The following TNRC6C variants were observed in gnomAD, a reference collection of about 807,000 sequenced individuals.
TNRC6C encodes the protein trinucleotide repeat-containing gene 6C protein.
Under a neutral mutation model 153.7 loss-of-function variants are expected in TNRC6C, and 20 were observed. The observed-to-expected ratio is 0.13, with a 90% CI of 0.09 to 0.19. The LOEUF is 0.19. Ranked by LOEUF, TNRC6C falls within the 10% of genes least tolerant of loss-of-function variation. TNRC6C has a pLI of 1.00. For missense variants in TNRC6C, 1,987 were observed against 2,172.0 expected (o/e 0.91, Z 1.69); for synonymous variants, 811 against 841.4 (o/e 0.96, Z 0.63).
At chr17:78,005,109 T>A (rs1351859136) in intron 1 of TNRC6C, 30 bp downstream of exon 3, 1 of 1,227,742 alleles carries the variant, frequency 8.1e-7, no homozygotes, top group African/African-American at 1.6e-5. Context: ...GGGGGGTACA[T>A]TTATGGCGGT....
upstream of TNRC6C, chr17:78,004,027 G>C: frequency 9.2e-7 from 1 of 1,089,488 alleles, no homozygotes; most frequent in Non-Finnish European, 1.2e-6. Flanking sequence ...TTAGGGAAGT[G>C]TCCCTTTCTA....
chr17:78,011,837 T>G (rs1209067585), intron 1 of TNRC6C, among the ~76,000 whole-genome samples: 1 of 152,250 alleles, frequency 6.6e-6, no homozygotes, highest in Non-Finnish European at 1.5e-5. Context: ...CTTCATAATT[T>G]TAGCCATTCT....
chr17:78,004,141 C>A, upstream of TNRC6C: 1 of 1,231,452 alleles, frequency 8.1e-7, no homozygotes, highest in Non-Finnish European at 1.0e-6. Flanking sequence ...GATCATCAAA[C>A]TTATACTAGT....
rs1271523311 is a variant in TNRC6C at position 78,104,147 on chromosome 17, G to A, written c.4713-338G>A. The stretch of plus-strand genomic sequence containing the variant: ...AAGGTTGCTTTTGATAGAAGTACGA[G>A]TAGACCTGATCAGTAACATCACTTG... On this transcript the variant is annotated intron_variant, in intron 19 of 19. Transcript: ENST00000301624. This position sits in a 1 kb window ranked among gnomAD's most constrained non-coding sequence, Gnocchi z 6.2. Among the ~76,000 whole-genome samples the A allele has an allele frequency of 6.6e-6, 1 of 152,196 alleles. No homozygotes were observed. The highest frequency in any genetic ancestry group is 2.4e-5 in the African/African-American group (1 of 41,434).
intron 15 of TNRC6C, chr17:78,093,393 T>A: frequency 1.5e-6 from 1 of 676,812 alleles, no homozygotes; most frequent in Non-Finnish European, 2.5e-6. Flanking sequence ...CCGGTAAAAC[T>A]ATTCCAACCC....
At chr17:77,975,888 G>A (rs892706175) in intron 1 of TNRC6C, among the ~76,000 whole-genome samples, 1 of 152,104 alleles carries the variant, frequency 6.6e-6, no homozygotes, top group Non-Finnish European at 1.5e-5. Flanking sequence ...AAAAATGTAG[G>A]TCGTCTTTAT....
At chr17:78,093,368 C>T in intron 15 of TNRC6C, 1 of 658,296 alleles carries the variant, frequency 1.5e-6, no homozygotes, top group South Asian at 2.0e-5. Flanking sequence ...AGGGAGGAAG[C>T]ACACTGCACA....
chr17:77,975,719 G>A (rs902309487), intron 1 of TNRC6C, among the ~76,000 whole-genome samples: 3 of 152,108 alleles, frequency 2.0e-5, no homozygotes, highest in African/African-American at 7.2e-5. Context: ...CTAATTTACA[G>A]TTGCCATCTT....
intron 1 of TNRC6C, among the ~76,000 whole-genome samples, chr17:77,973,803 A>G (rs2070961485): frequency 6.6e-6 from 1 of 152,240 alleles, no homozygotes; most frequent in Non-Finnish European, 1.5e-5. Context: ...TTTACACCGA[A>G]ACTGCAAAAA....
intron 1 of TNRC6C, among the ~76,000 whole-genome samples, chr17:77,989,081 T>C (rs908051166): frequency 1.7e-4 from 26 of 152,220 alleles, no homozygotes; most frequent in African/African-American, 5.8e-4. Context: ...GGAATTTGTG[T>C]CACTTAACAC....
At chr17:78,107,707 C>T (rs941066784) in exon 20 of TNRC6C, 1 of 152,228 alleles carries the variant, frequency 6.6e-6, no homozygotes, top group African/African-American at 2.4e-5. Flanking sequence ...TTCCAGCTCT[C>T]CACCCCCGTG....
intron 2 of TNRC6C, chr17:78,041,103 C>A (rs1056165667): frequency 6.6e-6 from 1 of 152,266 alleles, no homozygotes. Context: ...GAGGGTTGGG[C>A]GGCACCGTCT....
chr17:78,027,509 G>A (rs1050137236), intron 1 of TNRC6C, among the ~76,000 whole-genome samples: 1 of 152,092 alleles, frequency 6.6e-6, no homozygotes, highest in African/African-American at 2.4e-5. Flanking sequence ...AAAAAACAGA[G>A]AAATACTTGT....
chr17:78,079,587 C>T lies in TNRC6C; in HGVS notation c.3357+46C>T, dbSNP rs981988903. 1 of 1,598,802 alleles carries T rather than the reference C, an allele frequency of 6.3e-7. No homozygotes were observed. Among genetic ancestry groups the T allele is most frequent in the African/African-American group, 1.3e-5 (1 of 74,634 alleles). ...GGACTGAGCAACAGGATATAGATGC[C>T]AGTGTTTCGTGGGGTCCTGTGTTAT... On this transcript the variant is annotated intron_variant, in intron 10 of 19. Coordinates refer to ENST00000301624, the Ensembl canonical transcript of TNRC6C. This position sits in a 1 kb window ranked among gnomAD's most constrained non-coding sequence, Gnocchi z 4.3.
chr17:78,050,338 A>G, exon 3 of TNRC6C: 4 of 1,607,170 alleles, frequency 2.5e-6, no homozygotes, highest in Non-Finnish European at 3.4e-6. Context: ...AGATAAAGGG[A>G]TTATAGACCA....
At position 78,050,773 on chromosome 17, in the gene TNRC6C, T is replaced by C. The variant is rs770848567; in HGVS notation, c.1711T>C (p.Trp571Arg). Residue 571 changes from tryptophan to arginine, a missense_variant, in exon 3 of 20, where the codon TGG (tryptophan) becomes CGG (arginine). Coordinates refer to ENST00000301624, the Ensembl canonical transcript of TNRC6C. Reference sequence around the variant, plus strand: ...AAATCAGGAGGACAAGTCACCCACCTGGGGTGAGCCTCCAAAGCCCAAATC... The same window carrying C: ...AAATCAGGAGGACAAGTCACCCACCCGGGGTGAGCCTCCAAAGCCCAAATC... The C allele has an allele frequency of 3.1e-6, 5 of 1,604,544 alleles. No homozygotes were observed. The African/African-American group carries it at 5.3e-5, about 17-fold the overall frequency.
intron 14 of TNRC6C, 68 bp from the exon 17 acceptor site, chr17:78,092,865 G>A (rs2073417668): frequency 1.4e-6 from 2 of 1,437,846 alleles, no homozygotes; most frequent in East Asian, 2.3e-5. Context: ...GGGAGGCTTA[G>A]GGTATCTTCT....
chr17:78,065,628 A>C (rs558733426), intron 4 of TNRC6C, among the ~76,000 whole-genome samples: 1 of 152,254 alleles, frequency 6.6e-6, no homozygotes, highest in African/African-American at 2.4e-5. Flanking sequence ...GTTTTTGAAA[A>C]TATGTATTAC....
chr17:78,042,995 C>T (rs143880127), intron 2 of TNRC6C, among the ~76,000 whole-genome samples: 2 of 152,204 alleles, frequency 1.3e-5, no homozygotes, highest in African/African-American at 4.8e-5. Flanking sequence ...CAAAAAAGAG[C>T]TTATAAGTAG....
Sources: gnomAD v4.1 joint callset for allele counts (sites outside exome capture counted in the v4.1 genomes callset) on GRCh38, gnomAD v4.1.1 for gene constraint, Gnocchi (gnomAD v3.1) non-coding constraint, MANE v1.5 for transcripts, NCBI Gene and HGNC (gene_info 2026-07-23, HGNC 2026-07-21) for gene names.